The following NTN5 variants were observed in gnomAD, a reference collection of about 807,000 sequenced individuals.
NTN5 encodes netrin 5.
Under a neutral mutation model 38.7 loss-of-function variants are expected in NTN5, and 42 were observed. That is an observed-to-expected ratio of 1.08 (90% CI 0.85 to 1.40). The LOEUF is 1.40. Among genes scored for constraint, NTN5 ranks in the 40% most tolerant of loss-of-function variants. The probability of loss-of-function intolerance (pLI) is 0.00; values close to 1 mark genes in which losing one functional copy is unlikely to be tolerated. For missense variants in NTN5, 658 were observed against 716.5 expected (o/e 0.92, Z 0.93); for synonymous variants, 329 against 303.9 (o/e 1.08, Z -0.86).
intron 1 of NTN5, 99 bp from the exon 2 acceptor site, chr19:48,671,105 TC>T: frequency 1.2e-6 from 1 of 820,842 alleles, no homozygotes; most frequent in Non-Finnish European, 1.8e-6. Context: ...CCCCAACCCG[TC>T]CAGGCCCCCT....
At chr19:48,663,639 G>T in intron 5 of NTN5, 96 bp from the exon 6 acceptor site, 1 of 1,515,048 alleles carries the variant, frequency 6.6e-7, no homozygotes, top group Non-Finnish European at 9.2e-7. Context: ...ATGGCCAGCT[G>T]GGGTACCCAA....
chr19:48,662,026 A>G lies in NTN5; in HGVS notation c.1121T>C (p.Val374Ala). 1 of 1,482,156 alleles carries G rather than the reference A, an allele frequency of 6.7e-7. No individual in the cohort carries two copies. The highest frequency in any genetic ancestry group is 8.9e-7 in the Non-Finnish European group (1 of 1,124,536). 91.8% of individuals were successfully genotyped at this position (1,482,156 alleles called of 1,614,324 possible). ...CQQDHVLRAQ[V>A]LASEAAGPAW... The stretch of plus-strand genomic sequence containing the variant: ...CGGGCCCGCCGCCTCGGACGCTAGC[A>G]CCTGCGCGCGGAGAACTGTGGGGAG... Residue 374 changes from valine (V) to alanine (A), a missense_variant, in exon 7 of 7, where the codon GTG becomes GCG. Transcript: ENST00000270235.
chr19:48,661,451 G>A lies in NTN5; in HGVS notation c.*226C>T, dbSNP rs2031534780. ...TTATTGGGGGAAACAGATCACTGGCGGGGAATAAGCCACAGGCCAAAGGAG... is the reference window on the plus strand; with the variant it reads ...TTATTGGGGGAAACAGATCACTGGCAGGGAATAAGCCACAGGCCAAAGGAG... On this transcript the variant is annotated 3_prime_UTR_variant, in exon 7 of 7. Transcript: ENST00000270235. 2 of 432,696 alleles carry A rather than the reference G, an allele frequency of 4.6e-6. No individual in the cohort carries two copies. Among genetic ancestry groups the A allele is most frequent in the South Asian group, 4.9e-5 (1 of 20,520 alleles). The allele number at this position is 432,696 out of a possible 1,614,324, so 26.8% of individuals were successfully genotyped here. A position where few individuals can be genotyped will look rare whatever the true frequency, so the allele number is the denominator to read the frequency against.
rs993151946 is a variant in NTN5, at chr19:48,662,094, C to T, written c.1106-53G>A. 6 of 1,373,278 alleles carry T rather than the reference C, an allele frequency of 4.4e-6. No homozygotes were observed. In the African/African-American group the frequency reaches 7.7e-5, roughly 18 times the overall value. 85.1% of individuals were successfully genotyped at this position (1,373,278 alleles called of 1,614,324 possible). ...GTCGTGGGGAGCTTCCAGGGTACCT[C>T]TGGGTCCCGTGGGGTCAGTCACAGT... On this transcript the variant is annotated intron_variant, in intron 6 of 6. Coordinates refer to ENST00000270235, the MANE Select transcript of NTN5 (RefSeq NM_145807.4).
At chr19:48,668,002 T>C (rs2147741105) in intron 2 of NTN5, among the ~76,000 whole-genome samples, 1 of 152,090 alleles carries the variant, frequency 6.6e-6, no homozygotes, top group Admixed American at 6.5e-5. Flanking sequence ...GTACCAAGTG[T>C]CTCAGGCTGG....
At chr19:48,663,907 T>G in intron 4 of NTN5, 93 bp from the exon 5 acceptor site, 1 of 1,318,128 alleles carries the variant, frequency 7.6e-7, no homozygotes, top group South Asian at 1.2e-5. Context: ...AACTCTTAAG[T>G]GTTTATTCCT....
Position 48,661,856 on chromosome 19 carries a change from G to C in NTN5, c.1291C>G (p.Leu431Val). The part of the protein sequence containing the change: ...LRLQPGTDYL[L>V]LGSAVGDPDP... ...GGGTCGCCCACGGCGCTGCCCAGCA[G>C]CAGGTAGTCGGTGCCTGGCTGCAGG... The change falls in exon 7 of 7, where the codon CTG becomes GTG. Residue 431 changes from leucine (L) to valine (V), a missense_variant. Physicochemically the swap from Leu to Val is conservative, Grantham distance 32. Coordinates refer to ENST00000270235, the MANE Select transcript of NTN5 (RefSeq NM_145807.4). The C allele has an allele frequency of 7.5e-7, 1 of 1,341,586 alleles. No homozygotes were observed. 83.1% of individuals were successfully genotyped at this position (1,341,586 alleles called of 1,614,324 possible).
At chr19:48,662,299 A>G (rs1467789694) in intron 6 of NTN5, among the ~76,000 whole-genome samples, 1 of 150,414 alleles carries the variant, frequency 6.6e-6, no homozygotes, top group Non-Finnish European at 1.5e-5. Flanking sequence ...AGGCAGGTCC[A>G]GGGTCTCTAA....
In NTN5 at chr19:48,664,744, G is replaced by T. The variant is rs372577584; in HGVS notation, c.655C>A (p.Arg219=). ...AGCTCAGAGTTGAACCGGCAGCGTC[G>T]GGCGTGCTGGTTGCAGGAGCAGGCT... The part of the protein sequence containing the change: ...CLPCSCNQHA[R]RCRFNSELFR... The change falls in exon 3 of 7, where the codon CGA becomes AGA. Residue 219 remains arginine, a synonymous_variant. Coordinates refer to ENST00000270235, the MANE Select transcript of NTN5 (RefSeq NM_145807.4). 2.5e-6 allele frequency: 4 copies of T among 1,572,564 alleles called. No homozygotes were observed. In the African/African-American group the frequency reaches 4.1e-5, roughly 16 times the overall value.
chr19:48,663,411 G>GTCATCAGAACCAGCTGTGTAGCCTTCAGC, intron 6 of NTN5, 52 bp downstream of exon 6: 1 of 1,510,224 alleles, frequency 6.6e-7, no homozygotes, highest in Non-Finnish European at 9.2e-7. Context: ...CTTAGAAGCA[G>GTCATCAGAACCAGCTGTGTAGCCTTCAGC]TCATCAGAAC....
chr19:48,672,756 C>T (rs916355752), intron 1 of NTN5, among the ~76,000 whole-genome samples, 176 bp downstream of exon 1: 6 of 152,084 alleles, frequency 3.9e-5, no homozygotes, highest in Non-Finnish European at 8.8e-5. Context: ...AGAAACCAGT[C>T]GTGGCCCACA....
In NTN5 at chr19:48,670,472, G is replaced by C. The variant is rs759741702; in HGVS notation, c.515C>G (p.Pro172Arg). 6.8e-7 allele frequency: 1 copy of C among 1,474,752 alleles called. No homozygotes were observed. Among genetic ancestry groups the C allele is most frequent in the Non-Finnish European group, 9.0e-7 (1 of 1,113,228 alleles). 91.4% of individuals were successfully genotyped at this position (1,474,752 alleles called of 1,614,324 possible). The change falls in exon 2 of 7, where the codon CCC becomes CGC. Residue 172 changes from proline (P) to arginine (R), a missense_variant. Coordinates refer to ENST00000270235, the MANE Select transcript of NTN5 (RefSeq NM_145807.4). ...ATGGTGGCGGCAGTGGCAGCGGGGG[G>C]GCCGGGCACGGGCGGCACAGCGGGC... ...HAARCAARAR[P>R]PRCHCRHHTT...
At position 48,670,981 on chromosome 19, in the gene NTN5, G is replaced by A. The variant is rs777917721; in HGVS notation, c.6C>T (p.Pro2=). 1.9e-5 allele frequency: 29 copies of A among 1,530,668 alleles called. 1 individual carries two copies. The South Asian group carries it at 2.7e-4, about 14-fold the overall frequency. The allele number at this position is 1,530,668 out of a possible 1,614,324, so 94.8% of individuals were successfully genotyped here. The change falls in exon 2 of 7, where the codon CCC becomes CCT. Residue 2 remains proline (P), a synonymous_variant. Coordinates refer to ENST00000270235, the MANE Select transcript of NTN5 (RefSeq NM_145807.4). ...GGAGGAGCAGGAGGGCAAAGGTCAC[G>A]GGCATGGTCACAGCAGAGCCAGCAC... is the stretch of plus-strand genomic sequence containing the variant. M[P]VTFALLLLLG...
chr19:48,665,435 CAAA>C (rs1296224197), intron 2 of NTN5, among the ~76,000 whole-genome samples: 4 of 90,822 alleles, frequency 4.4e-5, no homozygotes, highest in Non-Finnish European at 9.2e-5. Context: ...GACTCCATCT[CAAA>C]AAAAAAAAAA....
rs763040934 is a variant in NTN5 at position 48,661,654 on chromosome 19, C to T, written c.*23G>A. The T allele has an allele frequency of 2.6e-6, 4 of 1,514,000 alleles. No homozygotes were observed. In the East Asian group the frequency reaches 7.7e-5, roughly 29 times the overall value. 93.8% of individuals were successfully genotyped at this position (1,514,000 alleles called of 1,614,324 possible). On this transcript the variant is annotated 3_prime_UTR_variant, in exon 7 of 7. Transcript: ENST00000270235. ...TCGCTCCCAAATTACTTTGTTGGTG[C>T]TCGAGGCAGCCCCATCTCACGTCTA...
chr19:48,662,138 G>T, intron 6 of NTN5, 97 bp from the exon 7 acceptor site: 1 of 1,231,096 alleles, frequency 8.1e-7, no homozygotes, highest in Non-Finnish European at 1.0e-6. Flanking sequence ...GCCCGAGACC[G>T]GTGGGTGGGC....
Position 48,664,702 on chromosome 19 carries a change from C to T in NTN5, c.697G>A (p.Gly233Ser), listed in dbSNP as rs745982299. The part of the protein sequence containing the change: ...FNSELFRLSG[G>S]RSGGVCERCR... Reference sequence around the variant, plus strand: ...CGCTCACAAACACCCCCACTCCGGCCGCCCGACAGTCTGAACAGCTCAGAG... The same window carrying T: ...CGCTCACAAACACCCCCACTCCGGCTGCCCGACAGTCTGAACAGCTCAGAG... The change falls in exon 3 of 7, where the codon GGC becomes AGC. Residue 233 changes from glycine to serine, a missense_variant. By Grantham distance (56) the Gly-to-Ser change is moderately conservative. Transcript: ENST00000270235. 19 of 1,604,934 alleles carry T rather than the reference C, an allele frequency of 1.2e-5. No homozygotes were observed. The South Asian group carries it at 1.3e-4, about 11-fold the overall frequency.
At position 48,664,742 on chromosome 19, in the gene NTN5, T is replaced by A. The variant is rs755814946; in HGVS notation, c.657A>T (p.Arg219=). The change falls in exon 3 of 7, where the codon CGA becomes CGT. Residue 219 remains arginine, a synonymous_variant. Coordinates refer to ENST00000270235, the MANE Select transcript of NTN5 (RefSeq NM_145807.4). ...ACAGCTCAGAGTTGAACCGGCAGCG[T>A]CGGGCGTGCTGGTTGCAGGAGCAGG... is the stretch of plus-strand genomic sequence containing the variant. The part of the protein sequence containing the change: ...CLPCSCNQHA[R]RCRFNSELFR... The A allele has an allele frequency of 2.5e-6, 4 of 1,575,888 alleles. No homozygotes were observed. The African/African-American group carries it at 5.4e-5, about 21-fold the overall frequency.
intron 5 of NTN5, 91 bp from the exon 6 acceptor site, chr19:48,663,634 C>T: frequency 6.6e-7 from 1 of 1,518,010 alleles, no homozygotes; most frequent in African/African-American, 1.4e-5. Context: ...TCTTGATGGC[C>T]AGCTGGGGTA....
Sources: allele counts gnomAD v4.1 joint callset (sites outside exome capture counted in the v4.1 genomes callset), GRCh38; gene constraint gnomAD v4.1.1; transcripts MANE v1.5; gene names NCBI Gene and HGNC (gene_info 2026-07-23, HGNC 2026-07-21).